The following TENM2 variants were observed in gnomAD, a reference collection of about 807,000 sequenced individuals.
TENM2 encodes the protein teneurin transmembrane protein 2.
A neutral mutation model predicts 245.2 loss-of-function variants in TENM2; 52 were observed. That is an observed-to-expected ratio of 0.21 (90% CI 0.17 to 0.27). TENM2 has a LOEUF of 0.27. Ranked by LOEUF, TENM2 falls within the 10% of genes least tolerant of loss-of-function variation. The pLI is 1.00. For synonymous variants in TENM2, 1,363 were observed against 1,438.9 expected (o/e 0.95, Z 1.19); for missense variants, 3,046 against 3,666.8 (o/e 0.83, Z 4.37).
the TENM2 span, among the ~76,000 whole-genome samples, chr5:167,075,289 G>T: frequency 6.6e-6 from 1 of 152,078 alleles, no homozygotes; most frequent in East Asian, 1.9e-4. Flanking sequence ...TTCCTAGAGG[G>T]TTTCCCCGTT....
intron 5 of TENM2, among the ~76,000 whole-genome samples, chr5:168,025,007 G>A (rs1024293295): frequency 6.6e-6 from 1 of 152,164 alleles, no homozygotes. Context: ...TGCTTATCAG[G>A]TCATTTGATT....
chr5:168,042,238 G>T (rs1037050352), intron 5 of TENM2, among the ~76,000 whole-genome samples: 17 of 152,008 alleles, frequency 1.1e-4, no homozygotes, highest in African/African-American at 3.4e-4. Context: ...TGCTTGGCCT[G>T]CAGTCTTCCA....
At chr5:167,434,380 T>C (rs1412636710) in intron 2 of TENM2, among the ~76,000 whole-genome samples, 21 of 121,840 alleles carry the variant, frequency 1.7e-4, no homozygotes, top group Non-Finnish European at 2.8e-4. Context: ...GCTGCTGCGC[T>C]CCAGCCTGGG....
chr5:167,216,123 C>A, the TENM2 span, among the ~76,000 whole-genome samples: 10 of 152,028 alleles, frequency 6.6e-5, no homozygotes, highest in Admixed American at 2.0e-4. Context: ...GAGGTTCAGT[C>A]GCTTGCTCAA....
intron 27 of TENM2, among the ~76,000 whole-genome samples, chr5:168,251,078 C>T (rs1319805876): frequency 6.6e-6 from 1 of 152,058 alleles, no homozygotes; most frequent in East Asian, 1.9e-4. Context: ...ACTAGGCCTA[C>T]CTTAGCCATA....
chr5:167,063,455 G>A, the TENM2 span, among the ~76,000 whole-genome samples: 1 of 152,092 alleles, frequency 6.6e-6, no homozygotes, highest in African/African-American at 2.4e-5. Context: ...GACCTGGAAC[G>A]ATGTCTGTGT....
At chr5:168,128,662 C>A (rs750121404) in intron 12 of TENM2, among the ~76,000 whole-genome samples, 1 of 152,244 alleles carries the variant, frequency 6.6e-6, no homozygotes, top group Non-Finnish European at 1.5e-5. Flanking sequence ...CAGATGGATT[C>A]GAGCAGGAGT....
intron 2 of TENM2, among the ~76,000 whole-genome samples, chr5:167,811,890 T>C (rs142906900): frequency 2.1e-4 from 32 of 152,292 alleles, no homozygotes; most frequent in Non-Finnish European, 3.7e-4. Flanking sequence ...GCAGCTACTA[T>C]GTGCAGCTCA....
the TENM2 span, among the ~76,000 whole-genome samples, chr5:167,170,684 G>A: frequency 6.6e-6 from 1 of 152,020 alleles, no homozygotes; most frequent in Admixed American, 6.6e-5. Flanking sequence ...TTTAAAAGTT[G>A]ATCTTTAATC....
the TENM2 span, among the ~76,000 whole-genome samples, chr5:167,100,689 T>G: frequency 1.3e-5 from 2 of 152,120 alleles, no homozygotes; most frequent in Non-Finnish European, 2.9e-5. Flanking sequence ...GAGCTTTGGA[T>G]TTTTTTCTTT....
At chr5:167,992,624 T>A (rs905048390) in intron 4 of TENM2, among the ~76,000 whole-genome samples, 2 of 152,214 alleles carry the variant, frequency 1.3e-5, no homozygotes, top group African/African-American at 2.4e-5. Flanking sequence ...GTATCTAATA[T>A]GTGATAACAC....
At chr5:167,833,903 A>G (rs1561834634) in intron 2 of TENM2, among the ~76,000 whole-genome samples, 3 of 152,232 alleles carry the variant, frequency 2.0e-5, no homozygotes, top group Admixed American at 2.0e-4. Context: ...CCTGTAAATG[A>G]AAGTCCCTGA....
chr5:168,093,374 G>T (rs1350557936), intron 8 of TENM2, among the ~76,000 whole-genome samples: 1 of 152,216 alleles, frequency 6.6e-6, no homozygotes, highest in African/African-American at 2.4e-5. Context: ...TAGTTGGGCA[G>T]ACATCTTGAT....
the TENM2 span, among the ~76,000 whole-genome samples, chr5:167,156,661 C>T: frequency 6.6e-6 from 1 of 152,164 alleles, no homozygotes; most frequent in African/African-American, 2.4e-5. Flanking sequence ...ATAGTAGGTA[C>T]TGGCATGTGA....
chr5:167,034,405 T>C, the TENM2 span, among the ~76,000 whole-genome samples: 8 of 151,642 alleles, frequency 5.3e-5, no homozygotes, highest in South Asian at 2.1e-4. Context: ...CCGAGGCGGG[T>C]GGATCACGAG....
intron 2 of TENM2, among the ~76,000 whole-genome samples, chr5:167,823,577 GCTCTCCTGTTATTATATA>G (rs1245254808): frequency 6.6e-6 from 1 of 152,120 alleles, no homozygotes; most frequent in East Asian, 1.9e-4. Context: ...AGTGCGAATG[GCTCTCCTGTTATTATATA>G]CTCAGCCTGA....
rs528262735 is a variant in TENM2, at chr5:167,474,912, C to T, written c.502+99439C>T. On this transcript the variant is annotated intron_variant, in intron 2 of 28. Coordinates refer to ENST00000518659, the Ensembl canonical transcript of TENM2. The stretch of plus-strand genomic sequence containing the variant: ...AATCTGGACTGTTTTCAAATTTTGC[C>T]TTTCTTCATTTTTATTTACTGATTT... 3.9e-5 allele frequency among the ~76,000 whole-genome samples: 6 copies of T among 152,250 alleles called. No individual in the cohort carries two copies. In the South Asian group the frequency reaches 1.2e-3, roughly 32 times the overall value.
intron 2 of TENM2, among the ~76,000 whole-genome samples, chr5:167,712,980 A>G (rs1459072): frequency 0.49 from 74,884 of 152,060 alleles, 21,777 homozygotes; most frequent in East Asian, 0.82. Context: ...GACAGAGCCC[A>G]GACAAAAGTA....
At chr5:167,814,532 A>G (rs1285950351) in intron 2 of TENM2, among the ~76,000 whole-genome samples, 3 of 151,432 alleles carry the variant, frequency 2.0e-5, no homozygotes, top group Non-Finnish European at 2.9e-5. Flanking sequence ...TATCTAGGAC[A>G]GTATTTCCAA....
Sources: gnomAD v4.1 joint callset for allele counts (sites outside exome capture counted in the v4.1 genomes callset) on GRCh38, gnomAD v4.1.1 for gene constraint, MANE v1.5 for transcripts, NCBI Gene and HGNC (gene_info 2026-07-23, HGNC 2026-07-21) for gene names.